The following SLC25A48 variants were observed in gnomAD, a reference collection of about 807,000 sequenced individuals.
SLC25A48 encodes the protein CTC-321K16.1.
A neutral mutation model predicts 32.2 loss-of-function variants in SLC25A48; 29 were observed. That is an observed-to-expected ratio of 0.90 (90% CI 0.67 to 1.23). SLC25A48 has a LOEUF of 1.23. SLC25A48 is among the 50% of genes most tolerant of loss of function. The probability of loss-of-function intolerance (pLI) is 0.00; values close to 1 mark genes in which losing one functional copy is unlikely to be tolerated. For synonymous variants in SLC25A48, 164 were observed against 172.3 expected, an observed-to-expected ratio of 0.95 and a Z score of 0.38; for missense variants, 399 against 422.7, an observed-to-expected ratio of 0.94 and a Z score of 0.49.
chr5:135,816,966 T>A (rs1201323990), intron 4 of SLC25A48, among the ~76,000 whole-genome samples: 1 of 152,204 alleles, frequency 6.6e-6, no homozygotes, highest in Non-Finnish European at 1.5e-5. Context: ...TATTTAGAGA[T>A]AAATTTAACA....
At chr5:135,737,095 C>T (rs1314854128) in intron 3 of SLC25A48, among the ~76,000 whole-genome samples, 1 of 152,188 alleles carries the variant, frequency 6.6e-6, no homozygotes, top group South Asian at 2.1e-4. Flanking sequence ...AAATTTCACT[C>T]ACGTCCGTGT....
chr5:135,888,218 C>A lies in SLC25A48; in HGVS notation c.*194C>A. ...ATGCCTCATGAGTCACTGATTCAAG[C>A]CCTCCAAGGTTCTGATCCCCAATGC... On this transcript the variant is annotated 3_prime_UTR_variant, in exon 8 of 8. Transcript: ENST00000681962. The A allele has an allele frequency of 1.3e-6, 1 of 774,182 alleles. No homozygotes were observed. The highest frequency in any genetic ancestry group is 2.1e-6 in the Non-Finnish European group (1 of 483,630). 48.0% of individuals were successfully genotyped at this position (774,182 alleles called of 1,614,324 possible).
intron 7 of SLC25A48, among the ~76,000 whole-genome samples, chr5:135,886,875 C>T (rs1762757654): frequency 1.3e-5 from 2 of 151,520 alleles, no homozygotes; most frequent in African/African-American, 4.8e-5. Context: ...GAAAACAAAA[C>T]AGAATTCCAA....
At chr5:135,679,120 A>C (rs986683069) in intron 3 of SLC25A48, among the ~76,000 whole-genome samples, 3 of 152,080 alleles carry the variant, frequency 2.0e-5, no homozygotes, top group Non-Finnish European at 2.9e-5. Flanking sequence ...AGTAGCAGTG[A>C]GACTAACCTC....
intron 3 of SLC25A48, among the ~76,000 whole-genome samples, chr5:135,645,698 T>C (rs1752943122): frequency 6.6e-6 from 1 of 152,066 alleles, no homozygotes; most frequent in Non-Finnish European, 1.5e-5. Context: ...TCTTCCTTCC[T>C]GCCTGGGGCT....
Position 135,715,726 on chromosome 5 carries a change from C to T in SLC25A48, c.-521+80770C>T, listed in dbSNP as rs1754781875. Among the ~76,000 whole-genome samples the T allele has an allele frequency of 2.0e-5, 3 of 152,214 alleles. No homozygotes were observed. The South Asian group carries it at 6.2e-4, about 31-fold the overall frequency. On this transcript the variant is annotated intron_variant, in intron 3 of 10. Transcript: ENST00000646290. ...ATCCGTCAGCTCTATGCTAATGCCT[C>T]CTGAAAGAAAACCTTCAACTTGGAT...
intron 3 of SLC25A48, among the ~76,000 whole-genome samples, chr5:135,801,696 A>C (rs781509233): frequency 6.6e-6 from 1 of 151,518 alleles, no homozygotes; most frequent in Non-Finnish European, 1.5e-5. Context: ...TAAGGTTTGT[A>C]ATATTAGAAG....
intron 3 of SLC25A48, among the ~76,000 whole-genome samples, chr5:135,636,275 G>T (rs1465307498): frequency 6.6e-6 from 1 of 152,166 alleles, no homozygotes; most frequent in Non-Finnish European, 1.5e-5. Context: ...GTGAGGCATG[G>T]TCTCAGCTCT....
chr5:135,660,130 G>A (rs1753360938), intron 3 of SLC25A48, among the ~76,000 whole-genome samples: 1 of 152,164 alleles, frequency 6.6e-6, no homozygotes, highest in Non-Finnish European at 1.5e-5. Context: ...ATTTTCAGCT[G>A]TGGAGGCTTT....
At chr5:135,670,691 A>G (rs1753634920) in intron 3 of SLC25A48, among the ~76,000 whole-genome samples, 1 of 152,172 alleles carries the variant, frequency 6.6e-6, no homozygotes, top group African/African-American at 2.4e-5. Context: ...TTGTCCTGAA[A>G]GGGGTCTCAC....
chr5:135,635,916 A>C (rs531136020), intron 3 of SLC25A48, among the ~76,000 whole-genome samples: 1 of 152,300 alleles, frequency 6.6e-6, no homozygotes, highest in Admixed American at 6.5e-5. Context: ...TTTGAGGACC[A>C]AAGTAAGTCC....
At chr5:135,596,592 A>G (rs1197143378) in intron 1 of SLC25A48, among the ~76,000 whole-genome samples, 1 of 152,160 alleles carries the variant, frequency 6.6e-6, no homozygotes, top group African/African-American at 2.4e-5. Context: ...TAGGCACTGA[A>G]ATGAGCAGAG....
chr5:135,787,672 A>T (rs1756883649), intron 3 of SLC25A48, among the ~76,000 whole-genome samples: 1 of 151,452 alleles, frequency 6.6e-6, no homozygotes, highest in Admixed American at 6.6e-5. Flanking sequence ...GGGGGATGTT[A>T]CTCCTAATGT....
chr5:135,645,642 C>G (rs1052651798), intron 3 of SLC25A48, among the ~76,000 whole-genome samples: 1 of 152,190 alleles, frequency 6.6e-6, no homozygotes, highest in African/African-American at 2.4e-5. Flanking sequence ...CTCTGCTGCT[C>G]ATGATTGAAA....
At chr5:135,601,649 G>A (rs745830393) in intron 1 of SLC25A48, among the ~76,000 whole-genome samples, 11 of 152,236 alleles carry the variant, frequency 7.2e-5, no homozygotes, top group Middle Eastern at 6.8e-3. Context: ...GTCCCACTCC[G>A]TTGCTTCCCT....
intron 4 of SLC25A48, among the ~76,000 whole-genome samples, chr5:135,854,222 G>C (rs1305283739): frequency 6.6e-6 from 1 of 152,196 alleles, no homozygotes; most frequent in African/African-American, 2.4e-5. Context: ...TGGTAAGTGA[G>C]CACTGGGTTC....
At chr5:135,765,618 T>A (rs946738902) in intron 3 of SLC25A48, among the ~76,000 whole-genome samples, 2 of 151,748 alleles carry the variant, frequency 1.3e-5, no homozygotes, top group African/African-American at 4.8e-5. Flanking sequence ...TGTGATGTGA[T>A]TCATAATATC....
intron 4 of SLC25A48, among the ~76,000 whole-genome samples, chr5:135,856,440 A>G (rs1760326290): frequency 1.3e-5 from 2 of 152,142 alleles, no homozygotes. Context: ...CAGCTCACTC[A>G]GGAGCATCCC....
At chr5:135,583,410 C>T (rs968721227) in intron 1 of SLC25A48, among the ~76,000 whole-genome samples, 3 of 151,944 alleles carry the variant, frequency 2.0e-5, no homozygotes, top group African/African-American at 7.3e-5. Context: ...GTTTTCTGCC[C>T]TGGGAGCTGG....
Sources: allele counts gnomAD v4.1 joint callset (sites outside exome capture counted in the v4.1 genomes callset), GRCh38; gene constraint gnomAD v4.1.1; transcripts MANE v1.5; gene names NCBI Gene and HGNC (gene_info 2026-07-23, HGNC 2026-07-21).